LSAMP: variants seen among roughly 807,000 people sequenced by gnomAD.
The protein encoded by LSAMP is limbic system-associated membrane protein.
LSAMP carries 7 observed loss-of-function variants against 38.6 expected under a neutral mutation model. That is an observed-to-expected ratio of 0.18 (90% CI 0.10 to 0.34). The LOEUF (loss-of-function observed/expected upper bound fraction) is 0.34. LSAMP is among the 10% of genes least tolerant of loss of function. The probability of loss-of-function intolerance (pLI) is 1.00; values close to 1 mark genes in which losing one functional copy is unlikely to be tolerated. For missense variants in LSAMP, 313 were observed against 420.0 expected, an observed-to-expected ratio of 0.75 and a Z score of 2.23; for synonymous variants, 154 against 166.8, an observed-to-expected ratio of 0.92 and a Z score of 0.59.
intron 3 of LSAMP, among the ~76,000 whole-genome samples, chr3:116,013,057 C>T (rs1940378157): frequency 6.6e-6 from 1 of 152,176 alleles, no homozygotes; most frequent in Non-Finnish European, 1.5e-5. Context: ...CAAGGTTCCA[C>T]CATGTCTTGG....
chr3:116,048,432 G>A lies in LSAMP; in HGVS notation c.389-28792C>T, dbSNP rs184390906. Among the ~76,000 whole-genome samples, 354 of 152,272 alleles carry A rather than the reference G, an allele frequency of 2.3e-3. 2 individuals carry two copies. Among genetic ancestry groups the A allele is most frequent in the Middle Eastern group, 3.4e-3 (1 of 294 alleles). The stretch of plus-strand genomic sequence containing the variant: ...ATTTTGAAATATAGTGCATTAAAGT[G>A]GGGTGACGATAGGCAATGCTTAAAG... On this transcript the variant is annotated intron_variant, in intron 2 of 6. Transcript: ENST00000490035.
intron 1 of LSAMP, among the ~76,000 whole-genome samples, chr3:116,233,799 T>A (rs2046432651): frequency 6.6e-6 from 1 of 152,154 alleles, no homozygotes; most frequent in Non-Finnish European, 1.5e-5. Flanking sequence ...ATTACCAGTT[T>A]AAGGGGAATT....
chr3:116,016,779 T>C (rs540966838), intron 3 of LSAMP, among the ~76,000 whole-genome samples: 1 of 152,322 alleles, frequency 6.6e-6, no homozygotes, highest in African/African-American at 2.4e-5. Context: ...TAGATACAGA[T>C]ATATTTTTGC....
chr3:116,404,471 A>C (rs1469138806), intron 1 of LSAMP, among the ~76,000 whole-genome samples: 1 of 152,124 alleles, frequency 6.6e-6, no homozygotes. Flanking sequence ...GAATATATGC[A>C]CAGAAGACAT....
chr3:116,210,931 C>T (rs1296372988), intron 1 of LSAMP, among the ~76,000 whole-genome samples: 1 of 151,832 alleles, frequency 6.6e-6, no homozygotes, highest in Non-Finnish European at 1.5e-5. Context: ...GATTCAACGT[C>T]TATGTCTATC....
chr3:116,098,167 A>G (rs1001156178), intron 1 of LSAMP, among the ~76,000 whole-genome samples: 18 of 152,212 alleles, frequency 1.2e-4, no homozygotes, highest in Non-Finnish European at 2.5e-4. Context: ...CTCCTCTCCC[A>G]GATGACAAGA....
At chr3:116,309,091 A>T (rs1490428431) in intron 1 of LSAMP, among the ~76,000 whole-genome samples, 1 of 152,094 alleles carries the variant, frequency 6.6e-6, no homozygotes, top group African/African-American at 2.4e-5. Flanking sequence ...TACGGAACAC[A>T]ATAAAATGGG....
intron 1 of LSAMP, among the ~76,000 whole-genome samples, chr3:116,420,588 C>T (rs867164701): frequency 2.4e-4 from 36 of 151,748 alleles, no homozygotes; most frequent in African/African-American, 7.5e-4. Context: ...TAAATTGGGC[C>T]GGGCGCGGTG....
intron 1 of LSAMP, among the ~76,000 whole-genome samples, chr3:116,330,557 C>G (rs1030754846): frequency 2.3e-4 from 35 of 151,790 alleles, no homozygotes; most frequent in Admixed American, 9.9e-4. Context: ...CTCCCCCCCC[C>G]ACAACCTTTT....
chr3:116,119,270 C>T (rs114596829), intron 1 of LSAMP, among the ~76,000 whole-genome samples: 2 of 151,636 alleles, frequency 1.3e-5, no homozygotes, highest in African/African-American at 4.9e-5. Context: ...TTGTATCTTT[C>T]TTCTTCCAGT....
intron 1 of LSAMP, among the ~76,000 whole-genome samples, chr3:116,342,407 A>G (rs1394526597): frequency 6.6e-6 from 1 of 152,104 alleles, no homozygotes; most frequent in Non-Finnish European, 1.5e-5. Flanking sequence ...AGGAAAGAAA[A>G]TAGGGGATCT....
At chr3:115,978,134 G>C (rs1559905663) in intron 3 of LSAMP, among the ~76,000 whole-genome samples, 1 of 152,000 alleles carries the variant, frequency 6.6e-6, no homozygotes, top group Non-Finnish European at 1.5e-5. Context: ...TCAGCCTGTA[G>C]AGCTACAAAC....
intron 1 of LSAMP, among the ~76,000 whole-genome samples, chr3:116,141,074 G>T (rs1264893137): frequency 3.3e-5 from 5 of 151,930 alleles, no homozygotes; most frequent in Non-Finnish European, 7.4e-5. Context: ...CACTGTGTTA[G>T]AATTGATGAC....
At chr3:116,210,712 G>A (rs1421771384) in intron 1 of LSAMP, among the ~76,000 whole-genome samples, 4 of 152,058 alleles carry the variant, frequency 2.6e-5, no homozygotes, top group Admixed American at 2.6e-4. Context: ...TGTCCCTTTA[G>A]TGAACTCTAA....
At chr3:116,329,807 C>G (rs1276714466) in intron 1 of LSAMP, among the ~76,000 whole-genome samples, 1 of 151,408 alleles carries the variant, frequency 6.6e-6, no homozygotes, top group Non-Finnish European at 1.5e-5. Context: ...TAGTGGATGT[C>G]TGAGAGAGAA....
chr3:116,087,522 T>C (rs936024663), intron 1 of LSAMP, among the ~76,000 whole-genome samples: 1 of 152,034 alleles, frequency 6.6e-6, no homozygotes. Flanking sequence ...TGTGGCAAGA[T>C]TTATGTCTGC....
At chr3:115,899,049 G>A (rs1936803378) in intron 3 of LSAMP, among the ~76,000 whole-genome samples, 1 of 152,060 alleles carries the variant, frequency 6.6e-6, no homozygotes, top group African/African-American at 2.4e-5. Context: ...AGAACTCAAA[G>A]GAGAGAATTG....
At chr3:116,193,601 A>G (rs997000171) in intron 1 of LSAMP, among the ~76,000 whole-genome samples, 9 of 152,360 alleles carry the variant, frequency 5.9e-5, no homozygotes, top group African/African-American at 2.2e-4. Context: ...TAAGCCAGAC[A>G]TTGTGCTAGA....
chr3:116,164,743 C>CAT lies in LSAMP; in HGVS notation c.156-78189_156-78188dup, dbSNP rs1329964354. On this transcript the variant is annotated intron_variant, in intron 1 of 6. Transcript: ENST00000490035. Reference sequence around the variant, plus strand: ...TATATAATCCAAATATATATATATCCATATATATATATATATATTTTTTTT... The same window carrying CAT: ...TATATAATCCAAATATATATATATCCATATATATATATATATATATTTTTTTT... Among the ~76,000 whole-genome samples the CAT allele has an allele frequency of 1.7e-3, 84 of 48,440 alleles. 5 individuals carry two copies. The highest frequency in any genetic ancestry group is 5.7e-3 in the African/African-American group (72 of 12,666). 31.8% of individuals were successfully genotyped at this position (48,440 alleles called of 152,430 possible).
Sources: allele counts gnomAD v4.1 joint callset (sites outside exome capture counted in the v4.1 genomes callset), GRCh38; gene constraint gnomAD v4.1.1; transcripts MANE v1.5; gene names NCBI Gene and HGNC (gene_info 2026-07-23, HGNC 2026-07-21).